GRM5: variants seen among roughly 807,000 people sequenced by gnomAD.
GRM5 encodes the protein glutamate metabotropic receptor 5, also known as metabotropic glutamate receptor 5.
GRM5 carries 19 observed loss-of-function variants against 83.1 expected under a neutral mutation model. The ratio of observed to expected loss-of-function variants is 0.23; its 90% CI spans 0.16 to 0.34. GRM5 has a LOEUF of 0.34. Ranked by LOEUF, GRM5 falls within the 10% of genes least tolerant of loss-of-function variation. GRM5 has a pLI of 1.00. For missense variants in GRM5, 1,160 were observed against 1,588.3 expected (o/e 0.73, Z 4.58); for synonymous variants, 675 against 633.6 (o/e 1.07, Z -0.98).
In GRM5 at chr11:88,710,398, C is replaced by T. The variant is rs974132353; in HGVS notation, c.912-56995G>A. Among the ~76,000 whole-genome samples, 3 of 152,128 alleles carry T rather than the reference C, an allele frequency of 2.0e-5. No homozygotes were observed. In the South Asian group the frequency reaches 6.2e-4, roughly 32 times the overall value. On this transcript the variant is annotated intron_variant, in intron 3 of 9. Coordinates refer to ENST00000305447, the MANE Select transcript of GRM5 (RefSeq NM_001143831.3). ...AGCATGCAGAACAGTGTTGCCTGGG[C>T]CTGCCTCGCTAGGGAGAGCCCAAGA...
intron 3 of GRM5, among the ~76,000 whole-genome samples, chr11:88,816,845 A>G (rs1456358784): frequency 6.6e-6 from 1 of 151,900 alleles, no homozygotes; most frequent in Non-Finnish European, 1.5e-5. Context: ...TGGATCATAA[A>G]AAAACAGTGT....
At chr11:88,858,909 T>C (rs1294746993) in intron 2 of GRM5, among the ~76,000 whole-genome samples, 1 of 151,900 alleles carries the variant, frequency 6.6e-6, no homozygotes, top group Non-Finnish European at 1.5e-5. Flanking sequence ...GCAACAATAA[T>C]AGATAAAAGT....
chr11:88,797,635 A>G (rs1943305963), intron 3 of GRM5, among the ~76,000 whole-genome samples: 1 of 152,200 alleles, frequency 6.6e-6, no homozygotes, highest in Admixed American at 6.5e-5. Flanking sequence ...CACTAATTTT[A>G]CAATGCTAAT....
intron 2 of GRM5, among the ~76,000 whole-genome samples, chr11:89,006,233 C>A (rs1940519279): frequency 6.6e-6 from 1 of 152,278 alleles, no homozygotes; most frequent in Non-Finnish European, 1.5e-5. Flanking sequence ...ATTGATACAA[C>A]TTATCTAAGT....
intron 7 of GRM5, among the ~76,000 whole-genome samples, chr11:88,584,094 T>C (rs965700935): frequency 2.0e-5 from 3 of 152,082 alleles, no homozygotes; most frequent in Non-Finnish European, 4.4e-5. Flanking sequence ...GCGCAAATAG[T>C]ATGGAATCAT....
chr11:88,729,743 T>G (rs1387797605), intron 3 of GRM5, among the ~76,000 whole-genome samples: 1 of 152,040 alleles, frequency 6.6e-6, no homozygotes, highest in East Asian at 1.9e-4. Flanking sequence ...CCATCTGATC[T>G]TTCTTTGACA....
At position 88,618,419 on chromosome 11, in the gene GRM5, T is replaced by C. The variant is rs574235020; in HGVS notation, c.1148-13455A>G. On this transcript the variant is annotated intron_variant, in intron 4 of 9. Transcript: ENST00000305447. ...TGATTTAGTAGAATTCACTGAGTTA[T>C]ATTCAATTCTTTTTTCTTGCTGCTT... 6.6e-5 allele frequency among the ~76,000 whole-genome samples: 10 copies of C among 152,324 alleles called. No individual in the cohort carries two copies. The East Asian group carries it at 7.7e-4, about 12-fold the overall frequency.
At chr11:88,634,840 A>G (rs765428746) in intron 4 of GRM5, among the ~76,000 whole-genome samples, 2 of 152,232 alleles carry the variant, frequency 1.3e-5, no homozygotes, top group Non-Finnish European at 2.9e-5. Flanking sequence ...GGGTTTATTT[A>G]CATCAGCATC....
chr11:88,557,524 G>A (rs1942656624), intron 8 of GRM5, among the ~76,000 whole-genome samples: 1 of 152,122 alleles, frequency 6.6e-6, no homozygotes, highest in African/African-American at 2.4e-5. Flanking sequence ...AATTGGGAAA[G>A]CTGGAAGGTG....
chr11:88,641,430 T>A (rs781613423), intron 4 of GRM5, among the ~76,000 whole-genome samples: 3 of 152,044 alleles, frequency 2.0e-5, no homozygotes, highest in African/African-American at 7.2e-5. Flanking sequence ...TATTCTCACA[T>A]TGCAAAACAC....
chr11:88,720,347 T>C (rs1479322952), intron 3 of GRM5, among the ~76,000 whole-genome samples: 1 of 152,072 alleles, frequency 6.6e-6, no homozygotes, highest in African/African-American at 2.4e-5. Flanking sequence ...AGATATGTTT[T>C]CCCTTGCAGA....
At chr11:89,050,458 A>G (rs1941733573) in intron 1 of GRM5, among the ~76,000 whole-genome samples, 1 of 151,094 alleles carries the variant, frequency 6.6e-6, no homozygotes, top group Admixed American at 6.6e-5. Flanking sequence ...CTAAAGGGTA[A>G]CTTTAGCTGA....
intron 2 of GRM5, among the ~76,000 whole-genome samples, chr11:88,906,469 GA>G (rs944988462): frequency 1.9e-4 from 28 of 149,424 alleles, no homozygotes; most frequent in Middle Eastern, 3.5e-3. Flanking sequence ...TCATCTGGGA[GA>G]AAAAAAAAAG....
chr11:88,931,468 A>C (rs1590974145), intron 2 of GRM5, among the ~76,000 whole-genome samples: 1 of 151,378 alleles, frequency 6.6e-6, no homozygotes, highest in African/African-American at 2.4e-5. Flanking sequence ...CTAATTAGAG[A>C]GATTAAGGAA....
At chr11:88,761,791 T>C (rs1224420408) in intron 3 of GRM5, among the ~76,000 whole-genome samples, 2 of 152,058 alleles carry the variant, frequency 1.3e-5, no homozygotes, top group Admixed American at 6.6e-5. Context: ...TCACACTACC[T>C]GACTTCCAGC....
In GRM5 at chr11:88,612,123, C is replaced by A. The variant is rs558008351; in HGVS notation, c.1148-7159G>T. Among the ~76,000 whole-genome samples the A allele has an allele frequency of 3.5e-5, 5 of 142,842 alleles. No homozygotes were observed. The East Asian group carries it at 6.2e-4, about 18-fold the overall frequency. 93.7% of individuals were successfully genotyped at this position (142,842 alleles called of 152,430 possible). A position where few individuals can be genotyped will look rare whatever the true frequency, so the allele number is the denominator to read the frequency against. On this transcript the variant is annotated intron_variant, in intron 4 of 9. Transcript: ENST00000305447. ...CCGATGCTATCCCTCCCCCCTCCCC[C>A]CATCCCACCACAGTCCCCAGAGTGT...
At chr11:88,732,497 G>A (rs1238718866) in intron 3 of GRM5, among the ~76,000 whole-genome samples, 2 of 152,010 alleles carry the variant, frequency 1.3e-5, no homozygotes, top group Non-Finnish European at 2.9e-5. Context: ...CTTTGTCAAT[G>A]TTATCTTGTC....
At chr11:88,601,766 C>T (rs925238939) in intron 5 of GRM5, among the ~76,000 whole-genome samples, 14 of 152,104 alleles carry the variant, frequency 9.2e-5, no homozygotes, top group Non-Finnish European at 1.9e-4. Flanking sequence ...AACTTTAATT[C>T]TCAATGGAGT....
rs549596951 is a variant in GRM5, at chr11:89,014,987, G to A, written c.661+32225C>T. ...CTAGGGCTGATTCATAGGGCGGCCA[G>A]AACCCTATTTAGAACCATAGCTTGC... On this transcript the variant is annotated intron_variant, in intron 2 of 9. Coordinates refer to ENST00000305447, the MANE Select transcript of GRM5 (RefSeq NM_001143831.3). Among the ~76,000 whole-genome samples the A allele has an allele frequency of 2.6e-5, 4 of 152,284 alleles. No individual in the cohort carries two copies. In the South Asian group the frequency reaches 8.3e-4, roughly 32 times the overall value.
Sources: gnomAD v4.1 joint callset for allele counts (sites outside exome capture counted in the v4.1 genomes callset) on GRCh38, gnomAD v4.1.1 for gene constraint, MANE v1.5 for transcripts, NCBI Gene and HGNC (gene_info 2026-07-23, HGNC 2026-07-21) for gene names.